The following CCDC7 variants were observed in gnomAD, a reference collection of about 807,000 sequenced individuals.
The protein encoded by CCDC7 is coiled-coil domain containing 7, also known as coiled-coil domain-containing protein 7.
Under a neutral mutation model 196.9 loss-of-function variants are expected in CCDC7, and 183 were observed. The ratio of observed to expected loss-of-function variants is 0.93; its 90% CI spans 0.82 to 1.05. The LOEUF (loss-of-function observed/expected upper bound fraction) is 1.05, where lower values mean the gene tolerates loss of function less well. CCDC7 is among the 50% of genes least tolerant of loss of function. The probability of loss-of-function intolerance (pLI) is 0.00; values close to 1 mark genes in which losing one functional copy is unlikely to be tolerated. For missense variants in CCDC7, 1,540 were observed against 1,482.2 expected (o/e 1.04, Z -0.64); for synonymous variants, 525 against 484.6 (o/e 1.08, Z -1.10).
At chr10:32,779,982 G>A (rs1009964545) in intron 29 of CCDC7, among the ~76,000 whole-genome samples, 2 of 152,182 alleles carry the variant, frequency 1.3e-5, no homozygotes, top group Non-Finnish European at 2.9e-5. Flanking sequence ...GCTCACGCCT[G>A]TAATCCAAGC....
intron 9 of CCDC7, among the ~76,000 whole-genome samples, chr10:32,496,093 T>C (rs1055375484): frequency 6.6e-6 from 1 of 152,192 alleles, no homozygotes; most frequent in African/African-American, 2.4e-5. Flanking sequence ...TAGTTCTCCT[T>C]GAAGAGGTTC....
chr10:32,769,310 C>G (rs1358480395), intron 28 of CCDC7, among the ~76,000 whole-genome samples: 1 of 151,942 alleles, frequency 6.6e-6, no homozygotes, highest in Non-Finnish European at 1.5e-5. Flanking sequence ...TTCATGTACT[C>G]TGATAATCTT....
At chr10:32,597,792 A>G (rs978560828) in intron 18 of CCDC7, among the ~76,000 whole-genome samples, 2 of 152,198 alleles carry the variant, frequency 1.3e-5, no homozygotes, top group Non-Finnish European at 2.9e-5. Context: ...GGTCCACGCC[A>G]GACCCTGTTT....
intron 8 of CCDC7, among the ~76,000 whole-genome samples, chr10:32,483,586 A>G (rs1343868770): frequency 3.3e-5 from 5 of 152,128 alleles, no homozygotes; most frequent in Non-Finnish European, 7.4e-5. Context: ...TATGTCCTGA[A>G]TGGTATTGCC....
chr10:32,820,968 G>A (rs2090053380), intron 31 of CCDC7, among the ~76,000 whole-genome samples: 1 of 152,044 alleles, frequency 6.6e-6, no homozygotes, highest in African/African-American at 2.4e-5. Context: ...TGACAAATGG[G>A]ATCTAATTAA....
rs142337435 is a variant in CCDC7 at position 32,862,282 on chromosome 10, T to C, written c.4111+7793T>C. Among the ~76,000 whole-genome samples the C allele has an allele frequency of 5.7e-3, 872 of 152,214 alleles. 7 individuals carry two copies. The highest frequency in any genetic ancestry group is 0.01 in the Non-Finnish European group (682 of 67,998). ...TCCTTTGCAGGGACATGGATGATGC[T>C]GGAAACCATCATTCACAGCAAACTA... On this transcript the variant is annotated intron_variant, in intron 41 of 41. Transcript: ENST00000639629.
upstream of CCDC7, among the ~76,000 whole-genome samples, chr10:32,447,302 T>TC (rs2031578646): frequency 6.6e-6 from 1 of 152,192 alleles, no homozygotes; most frequent in South Asian, 2.1e-4. Flanking sequence ...TTGACGTAGT[T>TC]CATCACTCGG....
At chr10:32,526,279 G>A (rs2048661691) in intron 11 of CCDC7, among the ~76,000 whole-genome samples, 1 of 152,118 alleles carries the variant, frequency 6.6e-6, no homozygotes, top group Non-Finnish European at 1.5e-5. Context: ...TGTGGTGAAT[G>A]CTTCCAGGCC....
Position 32,511,252 on chromosome 10 carries a change from T to TGTGGGGG in CCDC7, c.873-6691_873-6685dup, listed in dbSNP as rs1369088556. 23 of 637,440 alleles carry TGTGGGGG rather than the reference T, an allele frequency of 3.6e-5. No homozygotes were observed. The African/African-American group carries it at 8.5e-4, about 24-fold the overall frequency. The allele number at this position is 637,440 out of a possible 1,614,324, so 39.5% of individuals were successfully genotyped here. A position where few individuals can be genotyped will look rare whatever the true frequency, so the allele number is the denominator to read the frequency against. On this transcript the variant is annotated intron_variant, in intron 9 of 41. Coordinates refer to ENST00000639629, the Ensembl canonical transcript of CCDC7. ...ACCTTGTCCTGCCACAGAATTATTC[T>TGTGGGGG]GTGGGGGGCGGGGGGGGCGGGGAAA... is the stretch of plus-strand genomic sequence containing the variant.
rs573689937 is a variant in CCDC7 at position 32,580,590 on chromosome 10, G to A, written c.1455-2444G>A. ...TAGTTTGTACTGTATTACAAACTTC[G>A]GGTCCTAGATATTTTTGTTTTTCTT... On this transcript the variant is annotated intron_variant, in intron 16 of 41. Transcript: ENST00000639629. Among the ~76,000 whole-genome samples the A allele has an allele frequency of 3.0e-4, 46 of 151,942 alleles. 1 individual carries two copies. Among genetic ancestry groups the A allele is most frequent in the African/African-American group, 1.0e-3 (43 of 41,460 alleles).
intron 31 of CCDC7, among the ~76,000 whole-genome samples, chr10:32,816,328 A>G (rs1459975518): frequency 6.6e-6 from 1 of 152,192 alleles, no homozygotes; most frequent in East Asian, 1.9e-4. Context: ...TAGGTAAACA[A>G]AGCAGCCAGG....
At chr10:32,563,807 A>C (rs982273518) in intron 13 of CCDC7, among the ~76,000 whole-genome samples, 3 of 151,998 alleles carry the variant, frequency 2.0e-5, no homozygotes, top group African/African-American at 2.4e-5. Flanking sequence ...AATGGGATCT[A>C]ATTAAACTAA....
At chr10:32,832,518 G>C (rs996993767) in intron 32 of CCDC7, among the ~76,000 whole-genome samples, 7 of 152,058 alleles carry the variant, frequency 4.6e-5, no homozygotes, top group African/African-American at 1.7e-4. Flanking sequence ...CCAGAAGGCA[G>C]TAGGATGGCA....
intron 39 of CCDC7, among the ~76,000 whole-genome samples, chr10:32,849,507 A>T (rs1031991162): frequency 6.6e-6 from 1 of 152,114 alleles, no homozygotes; most frequent in Non-Finnish European, 1.5e-5. Context: ...GATAGAGACC[A>T]TCCTGGCCAA....
At chr10:32,785,579 A>G (rs1321813453) in intron 29 of CCDC7, among the ~76,000 whole-genome samples, 3 of 152,170 alleles carry the variant, frequency 2.0e-5, no homozygotes, top group Non-Finnish European at 2.9e-5. Flanking sequence ...TCTGAAAACT[A>G]AAAGTAGAAA....
chr10:32,500,758 T>C (rs1347325315), intron 9 of CCDC7, among the ~76,000 whole-genome samples: 2 of 152,176 alleles, frequency 1.3e-5, no homozygotes, highest in East Asian at 3.9e-4. Context: ...CTGGGCAACA[T>C]TGAGCCCTGA....
At position 32,471,279 on chromosome 10, in the gene CCDC7, A is replaced by G. The variant is rs191231933; in HGVS notation, c.677+49A>G. 4 of 1,577,730 alleles carry G rather than the reference A, an allele frequency of 2.5e-6. No homozygotes were observed. The East Asian group carries it at 6.8e-5, about 27-fold the overall frequency. On this transcript the variant is annotated intron_variant, in intron 6 of 41. Coordinates refer to ENST00000639629, the Ensembl canonical transcript of CCDC7. ...TGAATTAAAAACAGTAAGAAAGGGT[A>G]TATAATTAGCACTGAATGTAAGATA...
chr10:32,730,618 A>G (rs1207423393), intron 28 of CCDC7, among the ~76,000 whole-genome samples: 1 of 152,012 alleles, frequency 6.6e-6, no homozygotes, highest in Non-Finnish European at 1.5e-5. Context: ...AACAGCTTTT[A>G]TATGCACAAG....
At chr10:32,749,687 T>G (rs1427148672) in intron 28 of CCDC7, among the ~76,000 whole-genome samples, 22 of 152,212 alleles carry the variant, frequency 1.4e-4, no homozygotes, top group Admixed American at 1.4e-3. Flanking sequence ...CAAAAGTATC[T>G]CTTGTTCAGA....
Sources: gnomAD v4.1 joint callset for allele counts (sites outside exome capture counted in the v4.1 genomes callset) on GRCh38, gnomAD v4.1.1 for gene constraint, MANE v1.5 for transcripts, NCBI Gene and HGNC (gene_info 2026-07-23, HGNC 2026-07-21) for gene names.